The following PARN variants were observed in gnomAD, a reference collection of about 807,000 sequenced individuals.
PARN encodes poly(A)-specific ribonuclease PARN.
In PARN, 71 loss-of-function variants were observed where a neutral mutation model predicts 102.8. The observed-to-expected ratio is 0.69, with a 90% CI of 0.57 to 0.84. The LOEUF (loss-of-function observed/expected upper bound fraction) is 0.84, where lower values mean the gene tolerates loss of function less well. Among genes scored for constraint, PARN ranks in the 40% least tolerant of loss-of-function variants. PARN has a pLI of 0.00. For synonymous variants in PARN, 261 were observed against 252.9 expected, an observed-to-expected ratio of 1.03 and a Z score of -0.30; for missense variants, 782 against 760.9, an observed-to-expected ratio of 1.03 and a Z score of -0.33.
chr16:14,514,859 A>C (rs1442689504), intron 21 of PARN, among the ~76,000 whole-genome samples: 1 of 152,242 alleles, frequency 6.6e-6, no homozygotes, highest in Non-Finnish European at 1.5e-5. Context: ...GTCTGGAATA[A>C]GCAAGCATAT....
intron 13 of PARN, 53 bp from the exon 14 acceptor site, chr16:14,586,414 TA>T: frequency 9.3e-7 from 1 of 1,079,438 alleles, no homozygotes. Flanking sequence ...CTCGCAGTAT[TA>T]AAAAACATGT....
chr16:14,452,685 T>G (rs1484649663), intron 22 of PARN, among the ~76,000 whole-genome samples: 4 of 152,192 alleles, frequency 2.6e-5, no homozygotes, highest in African/African-American at 9.7e-5. Flanking sequence ...CTCAAGTAAG[T>G]CTTTTGCTTC....
At chr16:14,595,355 CACAA>C (rs1421809691) in intron 12 of PARN, among the ~76,000 whole-genome samples, 2 of 151,980 alleles carry the variant, frequency 1.3e-5, no homozygotes, top group African/African-American at 4.8e-5. Flanking sequence ...CGCACACACA[CACAA>C]ACACACACAC....
chr16:14,442,680 C>T (rs1351680238), intron 23 of PARN, among the ~76,000 whole-genome samples: 1 of 151,910 alleles, frequency 6.6e-6, no homozygotes, highest in Admixed American at 6.5e-5. Flanking sequence ...TGCAGTGGCA[C>T]CATCTGGGCT....
chr16:14,466,971 C>CA (rs558661922), intron 22 of PARN, among the ~76,000 whole-genome samples: 343 of 148,996 alleles, frequency 2.3e-3, no homozygotes, highest in Admixed American at 0.011. Context: ...AAACAGTGAC[C>CA]AAAAAAAAGA....
chr16:14,506,396 C>T (rs1158291191), intron 21 of PARN, among the ~76,000 whole-genome samples: 1 of 152,126 alleles, frequency 6.6e-6, no homozygotes, highest in African/African-American at 2.4e-5. Context: ...AATTTGATTA[C>T]AGCATGGACA....
At chr16:14,553,906 A>C (rs1336815153) in intron 20 of PARN, among the ~76,000 whole-genome samples, 159 bp downstream of exon 20, 1 of 152,268 alleles carries the variant, frequency 6.6e-6, no homozygotes, top group East Asian at 1.9e-4. Context: ...ATTAGCACAA[A>C]GATAACAGTA....
chr16:14,506,656 T>C (rs768406729), intron 21 of PARN, among the ~76,000 whole-genome samples: 52 of 152,188 alleles, frequency 3.4e-4, no homozygotes, highest in Non-Finnish European at 6.3e-4. Context: ...GCAAATATGA[T>C]AGAATGTTGC....
intron 21 of PARN, among the ~76,000 whole-genome samples, chr16:14,547,037 G>A (rs1966990794): frequency 6.6e-6 from 1 of 151,016 alleles, no homozygotes; most frequent in South Asian, 2.1e-4. Context: ...AAGTTGCAGT[G>A]AGCCAAGATC....
chr16:14,615,660 A>G, intron 6 of PARN, among the ~76,000 whole-genome samples: 1 of 152,112 alleles, frequency 6.6e-6, no homozygotes, highest in Non-Finnish European at 1.5e-5. Context: ...CAGCACTTTA[A>G]GAGGCAAAGG....
At chr16:14,447,913 C>T (rs1037851336) in intron 22 of PARN, among the ~76,000 whole-genome samples, 6 of 151,942 alleles carry the variant, frequency 3.9e-5, no homozygotes, top group Admixed American at 1.3e-4. Flanking sequence ...ACCAGCTTTT[C>T]CTAGGAGGTG....
At chr16:14,486,036 C>T (rs1427805150) in intron 21 of PARN, among the ~76,000 whole-genome samples, 1 of 152,216 alleles carries the variant, frequency 6.6e-6, no homozygotes, top group Non-Finnish European at 1.5e-5. Context: ...TTTGCAAGCA[C>T]ACCCAAAAGG....
At chr16:14,603,198 G>A (rs900701934) in intron 11 of PARN, among the ~76,000 whole-genome samples, 8 of 152,032 alleles carry the variant, frequency 5.3e-5, no homozygotes, top group South Asian at 2.1e-4. Flanking sequence ...GTAGTGCTGC[G>A]ATTACAGTCA....
At chr16:14,547,454 C>A (rs1439199373) in intron 21 of PARN, among the ~76,000 whole-genome samples, 1 of 152,016 alleles carries the variant, frequency 6.6e-6, no homozygotes, top group East Asian at 1.9e-4. Context: ...ACTTGTAATC[C>A]CAGCACTTTG....
rs191590051 is a variant in PARN, at chr16:14,483,071, T to A, written c.1481-244A>T. Among the ~76,000 whole-genome samples, 665 of 152,340 alleles carry A rather than the reference T, an allele frequency of 4.4e-3. 6 individuals carry two copies. Among genetic ancestry groups the A allele is most frequent in the African/African-American group, 0.015 (635 of 41,580 alleles). On this transcript the variant is annotated intron_variant, in intron 21 of 23. Coordinates refer to ENST00000437198, the MANE Select transcript of PARN (RefSeq NM_002582.4). ...ATCTCATTTTCAGTGTGAAAGTACT[T>A]TGTAAACTGTAAAGAACCGGTAATG... is the stretch of plus-strand genomic sequence containing the variant.
chr16:14,612,116 G>A (rs1271807686), intron 6 of PARN, among the ~76,000 whole-genome samples: 1 of 152,146 alleles, frequency 6.6e-6, no homozygotes. Context: ...TCCTGGAGAT[G>A]AAGGATAAAG....
chr16:14,512,667 T>C (rs1965257617), intron 21 of PARN, among the ~76,000 whole-genome samples: 1 of 152,148 alleles, frequency 6.6e-6, no homozygotes, highest in African/African-American at 2.4e-5. Context: ...TCAGAAACCT[T>C]TGATAAGAAA....
Position 14,604,246 on chromosome 16 carries a change from T to TA in PARN, c.703-21dup. On this transcript the variant is annotated intron_variant, in intron 10 of 23. Coordinates refer to ENST00000437198, the MANE Select transcript of PARN (RefSeq NM_002582.4). ...CTCCTTCTAAAAGACATAAAGCAGA[T>TA]ATACAATTTTCTTTTCTTTTTCTTT... 1 of 1,452,108 alleles carries TA rather than the reference T, an allele frequency of 6.9e-7. No individual in the cohort carries two copies. Among genetic ancestry groups the TA allele is most frequent in the South Asian group, 1.3e-5 (1 of 79,752 alleles). The allele number at this position is 1,452,108 out of a possible 1,614,324, so 90.0% of individuals were successfully genotyped here.
At chr16:14,464,590 TACTA>T (rs1045248700) in intron 22 of PARN, among the ~76,000 whole-genome samples, 1 of 152,022 alleles carries the variant, frequency 6.6e-6, no homozygotes, top group African/African-American at 2.4e-5. Flanking sequence ...ACCCCATCTC[TACTA>T]AAATATACAA....
Sources: gnomAD v4.1 joint callset for allele counts (sites outside exome capture counted in the v4.1 genomes callset) on GRCh38, gnomAD v4.1.1 for gene constraint, MANE v1.5 for transcripts, NCBI Gene and HGNC (gene_info 2026-07-23, HGNC 2026-07-21) for gene names.